Variants in DCDC1 observed in about 807,000 individuals in gnomAD.
DCDC1 encodes the protein doublecortin domain containing 1.
In DCDC1, 200 loss-of-function variants were observed where a neutral mutation model predicts 178.3. The ratio of observed to expected loss-of-function variants is 1.12; its 90% confidence interval spans 1.00 to 1.26. The LOEUF is 1.26. DCDC1 is among the 50% of genes most tolerant of loss of function. DCDC1 has a pLI of 0.00. For missense variants in DCDC1, 1,983 were observed against 1,749.2 expected (o/e 1.13, Z -2.38); for synonymous variants, 690 against 604.8 (o/e 1.14, Z -2.07).
chr11:31,352,533 T>G (rs1220011349), intron 1 of DCDC1, among the ~76,000 whole-genome samples: 1 of 152,162 alleles, frequency 6.6e-6, no homozygotes, highest in African/African-American at 2.4e-5. Flanking sequence ...ACTTCATAAT[T>G]CGAGTAGTCA....
chr11:31,303,866 G>T (rs1425105657), intron 6 of DCDC1, among the ~76,000 whole-genome samples: 1 of 152,026 alleles, frequency 6.6e-6, no homozygotes, highest in Non-Finnish European at 1.5e-5. Context: ...AACAACTGTC[G>T]AGCAGCATAA....
chr11:31,228,434 A>G (rs925487703), intron 9 of DCDC1, among the ~76,000 whole-genome samples: 1 of 152,128 alleles, frequency 6.6e-6, no homozygotes, highest in Non-Finnish European at 1.5e-5. Flanking sequence ...GGAAATTTAT[A>G]GCATTAAATG....
At chr11:31,165,221 T>G (rs1966665027) in intron 9 of DCDC1, among the ~76,000 whole-genome samples, 1 of 152,242 alleles carries the variant, frequency 6.6e-6, no homozygotes, top group Admixed American at 6.5e-5. Context: ...GTTTTTAATT[T>G]TTGTCAATCT....
At chr11:31,336,236 G>C (rs757311231) in intron 1 of DCDC1, among the ~76,000 whole-genome samples, 1 of 152,200 alleles carries the variant, frequency 6.6e-6, no homozygotes, top group Non-Finnish European at 1.5e-5. Context: ...GCCACATAGA[G>C]CTGGTAGCAT....
chr11:31,143,297 T>G (rs558821682), intron 9 of DCDC1, among the ~76,000 whole-genome samples: 1 of 152,262 alleles, frequency 6.6e-6, no homozygotes, highest in Non-Finnish European at 1.5e-5. Flanking sequence ...AGTAATATGT[T>G]TATTATTTTT....
At chr11:31,303,165 A>G (rs903145288) in intron 6 of DCDC1, among the ~76,000 whole-genome samples, 1 of 152,214 alleles carries the variant, frequency 6.6e-6, no homozygotes, top group African/African-American at 2.4e-5. Context: ...ATAATGATAA[A>G]AAAGAAATCA....
intron 36 of DCDC1, among the ~76,000 whole-genome samples, chr11:30,883,805 A>C (rs1942914395): frequency 6.6e-6 from 1 of 152,150 alleles, no homozygotes; most frequent in East Asian, 1.9e-4. Context: ...ACACACAAAT[A>C]TTTCAGATTA....
chr11:31,253,527 T>C (rs915303223), intron 8 of DCDC1, among the ~76,000 whole-genome samples: 2 of 152,108 alleles, frequency 1.3e-5, no homozygotes, highest in Admixed American at 1.3e-4. Flanking sequence ...AGAAATACTG[T>C]ATAAACAATT....
intron 7 of DCDC1, among the ~76,000 whole-genome samples, chr11:31,283,971 CCTCT>C (rs35150053): frequency 2.9e-4 from 43 of 148,520 alleles, no homozygotes; most frequent in Middle Eastern, 3.4e-3. Flanking sequence ...TCTTTCCCTC[CCTCT>C]CTCTCTCTCT....
At chr11:30,963,819 T>A (rs1343750456) in intron 20 of DCDC1, among the ~76,000 whole-genome samples, 1 of 152,120 alleles carries the variant, frequency 6.6e-6, no homozygotes, top group Non-Finnish European at 1.5e-5. Flanking sequence ...AATCTTGGGT[T>A]TTTTCATTGG....
At chr11:30,891,364 A>G (rs943202854) in intron 36 of DCDC1, among the ~76,000 whole-genome samples, 3 of 152,216 alleles carry the variant, frequency 2.0e-5, no homozygotes, top group African/African-American at 7.2e-5. Flanking sequence ...CCAGAGTCAC[A>G]TAAATCAAAA....
chr11:31,328,810 CAAAA>C (rs11321441), intron 2 of DCDC1, among the ~76,000 whole-genome samples: 1 of 61,574 alleles, frequency 1.6e-5, no homozygotes, highest in Non-Finnish European at 3.9e-5. Context: ...GACTACATCT[CAAAA>C]AAAAAAAAAA....
chr11:31,357,052 A>G (rs942427148), intron 1 of DCDC1, among the ~76,000 whole-genome samples: 2 of 151,740 alleles, frequency 1.3e-5, no homozygotes, highest in African/African-American at 4.8e-5. Flanking sequence ...ATTCCAATCA[A>G]TAGAAAAAGA....
At chr11:30,920,998 A>G (rs968782610) in intron 24 of DCDC1, 63 bp from the exon 25 acceptor site, 36 of 1,495,708 alleles carry the variant, frequency 2.4e-5, no homozygotes, top group Non-Finnish European at 3.0e-5. Context: ...TCAGGAATTT[A>G]AAAACACACA....
intron 11 of DCDC1, among the ~76,000 whole-genome samples, chr11:31,127,233 C>T (rs953833809): frequency 6.6e-6 from 1 of 152,146 alleles, no homozygotes; most frequent in Admixed American, 6.5e-5. Flanking sequence ...ATTACAATTA[C>T]TTTTCTGAAT....
intron 2 of DCDC1, among the ~76,000 whole-genome samples, chr11:31,334,004 T>C (rs975437491): frequency 1.3e-5 from 2 of 152,232 alleles, no homozygotes; most frequent in Non-Finnish European, 2.9e-5. Flanking sequence ...CCCTGTCACT[T>C]TCAGGCACAC....
At chr11:31,102,303 A>G (rs1419038746) in intron 14 of DCDC1, 21 bp from the exon 15 acceptor site, 2 of 652,640 alleles carry the variant, frequency 3.1e-6, no homozygotes, top group Admixed American at 4.2e-5. Context: ...TAAAATACGT[A>G]ATTATTTTTA....
At chr11:31,012,507 T>C (rs1019794337) in intron 20 of DCDC1, among the ~76,000 whole-genome samples, 2 of 151,368 alleles carry the variant, frequency 1.3e-5, no homozygotes, top group Non-Finnish European at 2.9e-5. Context: ...TCTGGAGGCT[T>C]AGGTGGGAGG....
chr11:30,952,691 C>G (rs1236181758), intron 20 of DCDC1, 123 bp from the exon 21 acceptor site: 1 of 415,170 alleles, frequency 2.4e-6, no homozygotes, highest in Non-Finnish European at 4.3e-6. Context: ...ATTAAAAACC[C>G]AAATCTGAAA....
Sources: allele counts gnomAD v4.1 joint callset (sites outside exome capture counted in the v4.1 genomes callset), GRCh38; gene constraint gnomAD v4.1.1; transcripts MANE v1.5; gene names NCBI Gene and HGNC (gene_info 2026-07-23, HGNC 2026-07-21).